The following C2CD2 variants were observed in gnomAD, a reference collection of about 807,000 sequenced individuals.
C2CD2 encodes C2 calcium dependent domain containing 2.
A neutral mutation model predicts 74.3 loss-of-function variants in C2CD2; 43 were observed. That is an observed-to-expected ratio of 0.58 (90% CI 0.45 to 0.75). C2CD2 has a LOEUF of 0.75. Among genes scored for constraint, C2CD2 ranks in the 30% least tolerant of loss-of-function variants. The pLI is 0.00. For missense variants in C2CD2, 801 were observed against 916.3 expected (o/e 0.87, Z 1.63); for synonymous variants, 422 against 390.7 (o/e 1.08, Z -0.94).
chr21:41,929,949 C>T lies in C2CD2; in HGVS notation c.379-7864G>A, dbSNP rs1397717572. Among the ~76,000 whole-genome samples, 1 of 152,210 alleles carries T rather than the reference C, an allele frequency of 6.6e-6. No homozygotes were observed. The highest frequency in any genetic ancestry group is 1.5e-5 in the Non-Finnish European group (1 of 68,034). On this transcript the variant is annotated intron_variant, in intron 2 of 13. Coordinates refer to ENST00000380486, the MANE Select transcript of C2CD2 (RefSeq NM_015500.2). This position sits in a 1 kb window ranked among gnomAD's most constrained non-coding sequence, Gnocchi z 4.6. ...CTTCTGCCTTAAGGGTACCCCTTTG[C>T]TTTTGGGGCAGAAAGCAGGCACTTT...
In C2CD2 at chr21:41,939,549, G is replaced by A. The variant is rs1046708047; in HGVS notation, c.378+2598C>T. On this transcript the variant is annotated intron_variant, in intron 2 of 13. Transcript: ENST00000380486. This position sits in a 1 kb window ranked among gnomAD's most constrained non-coding sequence, Gnocchi z 5.5. ...GCGGGCTCCAGGAGGGCAGGCCCACGGCTCTCTGCACCTCAGCTCCCAAGA... is the reference window on the plus strand; with the variant it reads ...GCGGGCTCCAGGAGGGCAGGCCCACAGCTCTCTGCACCTCAGCTCCCAAGA... 4.6e-5 allele frequency among the ~76,000 whole-genome samples: 7 copies of A among 152,158 alleles called. No homozygotes were observed. Among genetic ancestry groups the A allele is most frequent in the Non-Finnish European group, 7.4e-5 (5 of 68,022 alleles).
chr21:41,888,884 C>T lies in C2CD2; in HGVS notation c.*240G>A. 1.7e-6 allele frequency: 1 copy of T among 580,120 alleles called. No individual in the cohort carries two copies. The highest frequency in any genetic ancestry group is 3.1e-6 in the Non-Finnish European group (1 of 325,220). 35.9% of individuals were successfully genotyped at this position (580,120 alleles called of 1,614,324 possible). A position where few individuals can be genotyped will look rare whatever the true frequency, so the allele number is the denominator to read the frequency against. ...CTTAGCTATGAGCACAGCCCAAGCT[C>T]TGCAGCTGTCAAGTCTCATTTAGCA... On this transcript the variant is annotated 3_prime_UTR_variant, in exon 14 of 14. Coordinates refer to ENST00000380486, the MANE Select transcript of C2CD2 (RefSeq NM_015500.2).
intron 7 of C2CD2, among the ~76,000 whole-genome samples, chr21:41,910,856 T>C (rs2065018348): frequency 6.6e-6 from 1 of 152,256 alleles, no homozygotes; most frequent in South Asian, 2.1e-4. Flanking sequence ...TATCAATTAT[T>C]CTTTCTAATA....
At chr21:41,918,502 T>C (rs2065118535) in intron 4 of C2CD2, among the ~76,000 whole-genome samples, 1 of 151,942 alleles carries the variant, frequency 6.6e-6, no homozygotes, top group African/African-American at 2.4e-5. Context: ...GTACCTACGG[T>C]GTCATTAGCC....
intron 1 of C2CD2, among the ~76,000 whole-genome samples, chr21:41,946,417 T>C (rs543981586): frequency 6.6e-6 from 1 of 152,276 alleles, no homozygotes; most frequent in South Asian, 2.1e-4. Context: ...CTCCCCTTGG[T>C]GCTGTACAGT....
chr21:41,943,646 C>G (rs973930080), intron 1 of C2CD2, among the ~76,000 whole-genome samples: 41 of 152,152 alleles, frequency 2.7e-4, no homozygotes, highest in Admixed American at 2.7e-3. Context: ...AGAGGGGAAG[C>G]GGTGTAAAAC....
chr21:41,921,207 A>C (rs2065150363), intron 3 of C2CD2, among the ~76,000 whole-genome samples: 1 of 152,248 alleles, frequency 6.6e-6, no homozygotes, highest in Non-Finnish European at 1.5e-5. Context: ...CCCCCAAATT[A>C]GGAGTCAAGT....
In C2CD2 at chr21:41,923,694, A is replaced by G. The variant is rs2065179506; in HGVS notation, c.379-1609T>C. Among the ~76,000 whole-genome samples the G allele has an allele frequency of 6.6e-6, 1 of 152,206 alleles. No homozygotes were observed. Among genetic ancestry groups the G allele is most frequent in the South Asian group, 2.1e-4 (1 of 4,834 alleles). On this transcript the variant is annotated intron_variant, in intron 2 of 13. Coordinates refer to ENST00000380486, the MANE Select transcript of C2CD2 (RefSeq NM_015500.2). The surrounding 1 kb of genome is among the most constrained non-coding windows in gnomAD (Gnocchi z 5.8). ...AAACCAAACTGTGGTTTCCTGACAT[A>G]AATCATAATCATACAGTATTAAGAG...
At position 41,945,113 on chromosome 21, in the gene C2CD2, A is replaced by C. The variant is rs1318319109; in HGVS notation, c.280-2868T>G. Among the ~76,000 whole-genome samples, 1 of 152,254 alleles carries C rather than the reference A, an allele frequency of 6.6e-6. No homozygotes were observed. Among genetic ancestry groups the C allele is most frequent in the Non-Finnish European group, 1.5e-5 (1 of 68,048 alleles). ...TACTAGAACTGAACACATAAGTAGT[A>C]AGTAAATAAGACAGCAGGTGTGCAA... On this transcript the variant is annotated intron_variant, in intron 1 of 13. Transcript: ENST00000380486. The surrounding 1 kb of genome is among the most constrained non-coding windows in gnomAD (Gnocchi z 4.2).
intron 1 of C2CD2, chr21:41,943,075 A>C: frequency 3.3e-6 from 1 of 299,242 alleles, no homozygotes; most frequent in Non-Finnish European, 4.9e-6. Flanking sequence ...CCAAGGTGGA[A>C]GGATTGCTCA....
In C2CD2 at chr21:41,886,245, A is replaced by C. The variant is rs1456556829; in HGVS notation, c.*2879T>G. The stretch of plus-strand genomic sequence containing the variant: ...TCATCCAGACAAAAGCCAAAAACAA[A>C]AGCCCTCAAGCCACAAAAGCTTGTA... On this transcript the variant is annotated 3_prime_UTR_variant, in exon 14 of 14. Coordinates refer to ENST00000380486, the MANE Select transcript of C2CD2 (RefSeq NM_015500.2). 6.6e-6 allele frequency: 1 copy of C among 152,242 alleles called. No homozygotes were observed. The highest frequency in any genetic ancestry group is 1.9e-4 in the East Asian group (1 of 5,196). The allele number at this position is 152,242 out of a possible 1,614,324, so 9.4% of individuals were successfully genotyped here.
rs534242103 is a variant in C2CD2, at chr21:41,903,106, G to A, written c.1433-1357C>T. Among the ~76,000 whole-genome samples the A allele has an allele frequency of 1.3e-4, 20 of 152,202 alleles. No individual in the cohort carries two copies. In the South Asian group the frequency reaches 1.9e-3, roughly 14 times the overall value. ...GGGAGCGTCCAGGTTGTGAACCAAC[G>A]CATGCACGTACTGGGAAAGGGGCGA... On this transcript the variant is annotated intron_variant, in intron 11 of 13. Transcript: ENST00000380486. This position sits in a 1 kb window ranked among gnomAD's most constrained non-coding sequence, Gnocchi z 4.5.
intron 11 of C2CD2, among the ~76,000 whole-genome samples, chr21:41,902,338 G>A (rs8129406): frequency 0.061 from 9,338 of 152,246 alleles, 360 homozygotes; most frequent in Middle Eastern, 0.13. Context: ...CCTTCCCCAG[G>A]TTAATAACAA....
At chr21:41,944,468 G>A (rs1192331014) in intron 1 of C2CD2, among the ~76,000 whole-genome samples, 1 of 139,096 alleles carries the variant, frequency 7.2e-6, no homozygotes, top group Non-Finnish European at 1.5e-5. Context: ...CTTGCAGTGA[G>A]CCGAGATCAT....
rs1401482362 is a variant in C2CD2 at position 41,909,128 on chromosome 21, G to GT, written c.1018+330dup. 2.6e-5 allele frequency among the ~76,000 whole-genome samples: 4 copies of GT among 152,236 alleles called. No individual in the cohort carries two copies. In the East Asian group the frequency reaches 5.8e-4, roughly 22 times the overall value. ...TATCTTACTACAGTTAAAAGGTTTT[G>GT]TTTTTGTTTTTGTTTTCCAAAAAAA... On this transcript the variant is annotated intron_variant, in intron 8 of 13. Coordinates refer to ENST00000380486, the MANE Select transcript of C2CD2 (RefSeq NM_015500.2).
intron 13 of C2CD2, among the ~76,000 whole-genome samples, chr21:41,891,622 C>T (rs2064755066): frequency 6.6e-6 from 1 of 152,132 alleles, no homozygotes; most frequent in African/African-American, 2.4e-5. Context: ...CTATAGGCAC[C>T]TGCACCTGCC....
intron 2 of C2CD2, among the ~76,000 whole-genome samples, chr21:41,935,113 A>G (rs1444805533): frequency 4.6e-5 from 7 of 152,094 alleles, no homozygotes; most frequent in African/African-American, 2.4e-5. Context: ...GCTGGTCTCG[A>G]ACTCCTGACC....
Position 41,889,178 on chromosome 21 carries a change from G to A in C2CD2, c.2037C>T (p.Ser679=), listed in dbSNP as rs2146122108. 4 of 1,612,922 alleles carry A rather than the reference G, an allele frequency of 2.5e-6. No individual in the cohort carries two copies. The Middle Eastern group carries it at 5.9e-4, about 239-fold the overall frequency. The stretch of plus-strand genomic sequence containing the variant: ...TCATGGTGTTCTTGTTTCTGTGCCT[G>A]GAGAGCAGCTTCTTGTTCAGGATCC... ...LTRILNKKLL[S]RHRNKNTMNG... is the part of the protein sequence containing the mutation. Residue 679 remains serine (S), a synonymous_variant, in exon 14 of 14, where the codon TCC becomes TCT. Coordinates refer to ENST00000380486, the MANE Select transcript of C2CD2 (RefSeq NM_015500.2).
At chr21:41,934,516 G>A (rs1325053782) in intron 2 of C2CD2, among the ~76,000 whole-genome samples, 2 of 152,170 alleles carry the variant, frequency 1.3e-5, no homozygotes, top group Admixed American at 1.3e-4. Flanking sequence ...CACTTCCTAA[G>A]GTTGCTTTTC....
Sources: allele counts gnomAD v4.1 joint callset (sites outside exome capture counted in the v4.1 genomes callset), GRCh38; gene constraint gnomAD v4.1.1; non-coding constraint Gnocchi (gnomAD v3.1); transcripts MANE v1.5; gene names NCBI Gene and HGNC (gene_info 2026-07-23, HGNC 2026-07-21).